GABRA2: variants seen among roughly 807,000 people sequenced by gnomAD.
GABRA2 encodes the protein gamma-aminobutyric acid type A receptor subunit alpha2.
Under a neutral mutation model 48.7 loss-of-function variants are expected in GABRA2, and 16 were observed. That is an observed-to-expected ratio of 0.33 (90% CI 0.22 to 0.50). The LOEUF (loss-of-function observed/expected upper bound fraction) is 0.50. GABRA2 is among the 20% of genes least tolerant of loss of function. The pLI, the probability that GABRA2 is intolerant of heterozygous loss-of-function variation, is 0.98. For synonymous variants in GABRA2, 185 were observed against 184.5 expected, an observed-to-expected ratio of 1.00 and a Z score of -0.02; for missense variants, 275 against 535.6, an observed-to-expected ratio of 0.51 and a Z score of 4.80.
chr4:46,291,337 A>G (rs1723585709), intron 8 of GABRA2, among the ~76,000 whole-genome samples: 2 of 152,094 alleles, frequency 1.3e-5, no homozygotes, highest in Non-Finnish European at 2.9e-5. Context: ...GAGTGTGCCC[A>G]TTACTAGGAA....
At chr4:46,346,582 G>A (rs1041039784) in intron 3 of GABRA2, among the ~76,000 whole-genome samples, 1 of 148,686 alleles carries the variant, frequency 6.7e-6, no homozygotes, top group Non-Finnish European at 1.5e-5. Context: ...GCATATTTAT[G>A]TATTATATTT....
intron 3 of GABRA2, among the ~76,000 whole-genome samples, chr4:46,376,001 C>T (rs773338806): frequency 6.6e-6 from 1 of 152,138 alleles, no homozygotes; most frequent in Non-Finnish European, 1.5e-5. Context: ...TTATAATGGA[C>T]CATGTGTTCT....
chr4:46,315,429 C>A (rs1728385830), intron 4 of GABRA2, among the ~76,000 whole-genome samples: 1 of 151,952 alleles, frequency 6.6e-6, no homozygotes, highest in Non-Finnish European at 1.5e-5. Flanking sequence ...GTGTGCCCTG[C>A]CAATCTATCT....
At chr4:46,332,935 C>A (rs1731618942) in intron 3 of GABRA2, among the ~76,000 whole-genome samples, 1 of 152,072 alleles carries the variant, frequency 6.6e-6, no homozygotes, top group Non-Finnish European at 1.5e-5. Flanking sequence ...ATTAGCGCAT[C>A]CTCATTTATA....
At chr4:46,333,730 C>T (rs1202581053) in intron 3 of GABRA2, among the ~76,000 whole-genome samples, 1 of 152,014 alleles carries the variant, frequency 6.6e-6, no homozygotes, top group Non-Finnish European at 1.5e-5. Flanking sequence ...TTATAATCTG[C>T]ATGTCAAACC....
At chr4:46,381,892 A>G (rs1041189698) in intron 3 of GABRA2, among the ~76,000 whole-genome samples, 10 of 152,102 alleles carry the variant, frequency 6.6e-5, no homozygotes, top group Non-Finnish European at 8.8e-5. Flanking sequence ...TTAAATAATC[A>G]CTCCATTGAT....
intron 8 of GABRA2, among the ~76,000 whole-genome samples, chr4:46,273,380 C>G (rs1024221939): frequency 2.1e-5 from 3 of 144,698 alleles, no homozygotes; most frequent in South Asian, 4.4e-4. Flanking sequence ...CTCTCTCCCT[C>G]TGTGTGTGTG....
intron 9 of GABRA2, among the ~76,000 whole-genome samples, chr4:46,256,964 TC>T (rs779775945): frequency 6.6e-6 from 1 of 151,674 alleles, no homozygotes; most frequent in Non-Finnish European, 1.5e-5. Context: ...CAGTTTGGAC[TC>T]ACTGACTCAG....
intron 3 of GABRA2, among the ~76,000 whole-genome samples, chr4:46,346,646 GTTTTC>G: frequency 6.7e-6 from 1 of 148,684 alleles, no homozygotes; most frequent in African/African-American, 2.4e-5. Context: ...TATTATTGTA[GTTTTC>G]TTTGTTTACA....
intron 1 of GABRA2, 164 bp from the exon 2 acceptor site, chr4:46,388,880 C>CT: frequency 2.2e-6 from 3 of 1,352,948 alleles, no homozygotes; most frequent in Non-Finnish European, 2.9e-6. Flanking sequence ...GAGACGATTT[C>CT]TTTTTTATGG....
At chr4:46,305,941 G>C (rs950296577) in intron 6 of GABRA2, among the ~76,000 whole-genome samples, 9 of 152,296 alleles carry the variant, frequency 5.9e-5, no homozygotes, top group African/African-American at 1.9e-4. Flanking sequence ...CAACCACTTT[G>C]AAAGGTGAAG....
At position 46,270,850 on chromosome 4, in the gene GABRA2, C is replaced by T. The variant is rs183017994; in HGVS notation, c.857-8722G>A. 3.6e-4 allele frequency among the ~76,000 whole-genome samples: 54 copies of T among 151,906 alleles called. No homozygotes were observed. The Middle Eastern group carries it at 0.014, about 38-fold the overall frequency. On this transcript the variant is annotated intron_variant, in intron 8 of 9. Transcript: ENST00000381620. ...AATACACGCTGAGAAGAAAGTCAAA[C>T]TAAGGTAGGTAGTTTAACATAGAGA...
In GABRA2 at chr4:46,313,565, G is replaced by T. The variant is rs1393032719; in HGVS notation, c.256-849C>A. Among the ~76,000 whole-genome samples the T allele has an allele frequency of 2.5e-5, 3 of 119,506 alleles. No individual in the cohort carries two copies. The East Asian group carries it at 7.7e-4, about 31-fold the overall frequency. The allele number at this position is 119,506 out of a possible 152,430, so 78.4% of individuals were successfully genotyped here. On this transcript the variant is annotated intron_variant, in intron 4 of 9. Transcript: ENST00000381620. The stretch of plus-strand genomic sequence containing the variant: ...CAAATTTTAACTTACGTGAAACTCT[G>T]TTTCTCTCTCTCTCTCTCTCTCTCT...
At chr4:46,309,338 C>T (rs1175400482) in intron 6 of GABRA2, among the ~76,000 whole-genome samples, 1 of 152,006 alleles carries the variant, frequency 6.6e-6, no homozygotes, top group Non-Finnish European at 1.5e-5. Flanking sequence ...GATGAGAGTA[C>T]TGTATTTCTA....
At chr4:46,285,756 C>A (rs1722433115) in intron 8 of GABRA2, among the ~76,000 whole-genome samples, 1 of 151,830 alleles carries the variant, frequency 6.6e-6, no homozygotes. Context: ...CTCTGAAAAT[C>A]ATGAAATCTT....
chr4:46,341,002 T>C lies in GABRA2; in HGVS notation c.188-8320A>G, dbSNP rs533874223. Among the ~76,000 whole-genome samples the C allele has an allele frequency of 3.3e-5, 5 of 152,094 alleles. No individual in the cohort carries two copies. In the South Asian group the frequency reaches 1.0e-3, roughly 32 times the overall value. On this transcript the variant is annotated intron_variant, in intron 3 of 9. Transcript: ENST00000381620. ...TTATTGATTCTTCTGACTGTACCAATTTGTTACTGAATCCCTCTATTAAAG... is the reference window on the plus strand; with the variant it reads ...TTATTGATTCTTCTGACTGTACCAACTTGTTACTGAATCCCTCTATTAAAG...
chr4:46,295,887 T>A (rs1724543715), intron 8 of GABRA2, among the ~76,000 whole-genome samples: 2 of 152,192 alleles, frequency 1.3e-5, no homozygotes, highest in South Asian at 4.1e-4. Flanking sequence ...TATGGACTCA[T>A]AGAATGCCTT....
rs114990412 is a variant in GABRA2 at position 46,287,226 on chromosome 4, T to C, written c.856+16234A>G. ...TGATAAAGAGATTATTCTTTCCCCA[T>C]TGAATAATTCTAACAACCCTGTTGA... On this transcript the variant is annotated intron_variant, in intron 8 of 9. Transcript: ENST00000381620. Among the ~76,000 whole-genome samples, 1,147 of 152,246 alleles carry C rather than the reference T, an allele frequency of 7.5e-3. 15 individuals are homozygous for C. The highest frequency in any genetic ancestry group is 0.026 in the African/African-American group (1,078 of 41,542).
intron 3 of GABRA2, among the ~76,000 whole-genome samples, chr4:46,354,130 G>A (rs1423505475): frequency 6.6e-6 from 1 of 152,162 alleles, no homozygotes; most frequent in East Asian, 1.9e-4. Context: ...TAAACCCTAT[G>A]AGGTAAGGTA....
Sources: allele counts gnomAD v4.1 joint callset (sites outside exome capture counted in the v4.1 genomes callset), GRCh38; gene constraint gnomAD v4.1.1; transcripts MANE v1.5; gene names NCBI Gene and HGNC (gene_info 2026-07-23, HGNC 2026-07-21).